The following ITGAV variants were observed in gnomAD, a reference collection of about 807,000 sequenced individuals.
ITGAV encodes the protein integrin subunit alpha V, also known as integrin alpha-V.
Under a neutral mutation model 143.8 loss-of-function variants are expected in ITGAV, and 76 were observed. The observed-to-expected ratio is 0.53, with a 90% CI of 0.44 to 0.64. ITGAV has a LOEUF of 0.64. Among genes scored for constraint, ITGAV ranks in the 30% least tolerant of loss-of-function variants. The pLI is 0.00. For synonymous variants in ITGAV, 453 were observed against 446.7 expected (o/e 1.01, Z -0.18); for missense variants, 1,193 against 1,274.7 (o/e 0.94, Z 0.98).
chr2:186,656,223 T>C (rs757905077), intron 16 of ITGAV, 24 bp from the exon 17 acceptor site: 8 of 1,558,308 alleles, frequency 5.1e-6, no homozygotes, highest in East Asian at 4.8e-5. Flanking sequence ...AATATGTTGG[T>C]TATAAATCCT....
At chr2:186,591,318 A>T (rs972001347) in intron 1 of ITGAV, among the ~76,000 whole-genome samples, 3 of 152,188 alleles carry the variant, frequency 2.0e-5, no homozygotes, top group Non-Finnish European at 4.4e-5. Flanking sequence ...GATTTATAAC[A>T]GTTATTGCCA....
intron 6 of ITGAV, among the ~76,000 whole-genome samples, chr2:186,635,459 C>T (rs1254224638): frequency 1.3e-5 from 2 of 152,158 alleles, no homozygotes; most frequent in African/African-American, 4.8e-5. Context: ...GGGAACAGGA[C>T]TGAAAATGTT....
At position 186,648,489 on chromosome 2, in the gene ITGAV, A is replaced by G. The variant is rs1240331528; in HGVS notation, c.1352-1351A>G. 2.6e-5 allele frequency among the ~76,000 whole-genome samples: 4 copies of G among 152,070 alleles called. No homozygotes were observed. The East Asian group carries it at 7.7e-4, about 29-fold the overall frequency. On this transcript the variant is annotated intron_variant, in intron 13 of 29. Transcript: ENST00000261023. ...GAGTTTGATTCTTTTTTTTGAGATG[A>G]AGTCTCGCTCTGTTACCCAGGCTGG...
intron 24 of ITGAV, 178 bp from the exon 25 acceptor site, chr2:186,668,584 A>G: frequency 1.7e-6 from 1 of 581,342 alleles, no homozygotes; most frequent in Non-Finnish European, 3.1e-6. Flanking sequence ...TGTTAGAGAC[A>G]AATGTTGAGT....
chr2:186,668,679 T>C, intron 24 of ITGAV, 83 bp from the exon 25 acceptor site: 1 of 1,226,038 alleles, frequency 8.2e-7, no homozygotes, highest in Non-Finnish European at 1.2e-6. Flanking sequence ...ATTGCTAACA[T>C]GATTTCTAAA....
intron 10 of ITGAV, among the ~76,000 whole-genome samples, chr2:186,640,543 A>G (rs1055554220): frequency 6.6e-6 from 1 of 152,212 alleles, no homozygotes. Context: ...CTGTGACTAT[A>G]TATCTTTGTT....
intron 2 of ITGAV, among the ~76,000 whole-genome samples, chr2:186,619,566 CA>C (rs11353811): frequency 0.73 from 110,510 of 152,048 alleles, 40,236 homozygotes; most frequent in East Asian, 0.85. Flanking sequence ...GTTCCCAACA[CA>C]AAAAAACGTG....
At chr2:186,629,114 A>C (rs2197138) in intron 4 of ITGAV, among the ~76,000 whole-genome samples, 22 of 151,990 alleles carry the variant, frequency 1.4e-4, no homozygotes, top group Admixed American at 1.4e-3. Flanking sequence ...GTCAGAATCA[A>C]TAATATTACT....
At chr2:186,600,162 C>T (rs1350010774) in intron 1 of ITGAV, 1 of 581,162 alleles carries the variant, frequency 1.7e-6, no homozygotes, top group African/African-American at 1.9e-5. Flanking sequence ...TTGACCTTAT[C>T]TTGTGCCACT....
At chr2:186,609,577 A>G (rs1687158181) in intron 2 of ITGAV, among the ~76,000 whole-genome samples, 1 of 152,178 alleles carries the variant, frequency 6.6e-6, no homozygotes, top group Admixed American at 6.5e-5. Flanking sequence ...AAATAGATTC[A>G]TACCAAAATA....
At chr2:186,665,096 ATTTTTTT>A in intron 20 of ITGAV, 23 bp from the exon 21 acceptor site, 7 of 1,013,858 alleles carry the variant, frequency 6.9e-6, no homozygotes, top group Admixed American at 5.1e-5. Flanking sequence ...TTTCATATCC[ATTTTTTT>A]TTTTTTTTTT....
chr2:186,661,324 A>T (rs1688738004), intron 18 of ITGAV, among the ~76,000 whole-genome samples: 1 of 152,218 alleles, frequency 6.6e-6, no homozygotes, highest in South Asian at 2.1e-4. Flanking sequence ...AAAGTTTTGT[A>T]GTAAGAGAAT....
At chr2:186,602,237 T>C (rs1292421961) in intron 2 of ITGAV, 86 bp downstream of exon 2, 1 of 1,024,972 alleles carries the variant, frequency 9.8e-7, no homozygotes, top group African/African-American at 1.6e-5. Context: ...AGCCATTTAA[T>C]ACAATTATAT....
At chr2:186,646,197 T>TA (rs1260334402) in intron 12 of ITGAV, among the ~76,000 whole-genome samples, 1 of 152,150 alleles carries the variant, frequency 6.6e-6, no homozygotes, top group Admixed American at 6.5e-5. Flanking sequence ...AGTCACAACT[T>TA]ACGAATTTCT....
At chr2:186,614,447 ATTAAAC>A (rs1262654552) in intron 2 of ITGAV, among the ~76,000 whole-genome samples, 1 of 152,132 alleles carries the variant, frequency 6.6e-6, no homozygotes, top group Admixed American at 6.5e-5. Flanking sequence ...ATTTTTAAAA[ATTAAAC>A]TTAGAAGTCA....
chr2:186,672,475 A>T (rs530850339), intron 26 of ITGAV, among the ~76,000 whole-genome samples: 1 of 152,370 alleles, frequency 6.6e-6, no homozygotes, highest in East Asian at 1.9e-4. Flanking sequence ...CTCTATGTTT[A>T]ACTTTTGGAG....
chr2:186,600,959 C>CAAA (rs556490103), intron 1 of ITGAV, among the ~76,000 whole-genome samples: 2 of 93,084 alleles, frequency 2.1e-5, no homozygotes, highest in African/African-American at 7.6e-5. Context: ...GACTCTGTCT[C>CAAA]AAAAAAAAAA....
At chr2:186,593,556 C>G (rs190928537) in intron 1 of ITGAV, among the ~76,000 whole-genome samples, 7 of 151,804 alleles carry the variant, frequency 4.6e-5, no homozygotes, top group Admixed American at 4.6e-4. Flanking sequence ...TCATACTTTT[C>G]TTGTGGAGAC....
intron 2 of ITGAV, among the ~76,000 whole-genome samples, chr2:186,619,377 T>C (rs1173202570): frequency 6.6e-6 from 1 of 152,036 alleles, no homozygotes; most frequent in Non-Finnish European, 1.5e-5. Flanking sequence ...AAGTAAAATG[T>C]AGAAGATACT....
Sources: allele counts gnomAD v4.1 joint callset (sites outside exome capture counted in the v4.1 genomes callset), GRCh38; gene constraint gnomAD v4.1.1; transcripts MANE v1.5; gene names NCBI Gene and HGNC (gene_info 2026-07-23, HGNC 2026-07-21).